CALN1: variants seen among roughly 807,000 people sequenced by gnomAD.
The protein encoded by CALN1 is calcium-binding protein 8.
Under a neutral mutation model 30.6 loss-of-function variants are expected in CALN1, and 17 were observed. The observed-to-expected ratio is 0.56, with a 90% CI of 0.38 to 0.83. The LOEUF is 0.83. Among genes scored for constraint, CALN1 ranks in the 40% least tolerant of loss-of-function variants. The pLI, the probability that CALN1 is intolerant of heterozygous loss-of-function variation, is 0.00. For missense variants in CALN1, 291 were observed against 354.9 expected (o/e 0.82, Z 1.45); for synonymous variants, 156 against 131.4 (o/e 1.19, Z -1.28).
At chr7:72,216,486 G>C (rs929740422) in intron 3 of CALN1, among the ~76,000 whole-genome samples, 3 of 151,980 alleles carry the variant, frequency 2.0e-5, no homozygotes, top group African/African-American at 4.8e-5. Context: ...TGGCATCTTT[G>C]GAGAAGCCAT....
the CALN1 span, among the ~76,000 whole-genome samples, chr7:72,476,916 A>G: frequency 6.6e-6 from 1 of 152,208 alleles, no homozygotes; most frequent in African/African-American, 2.4e-5. Context: ...AGTGCTATGA[A>G]GAAAAGGTGC....
chr7:72,411,734 G>A (rs901225620), intron 1 of CALN1, among the ~76,000 whole-genome samples: 3 of 152,078 alleles, frequency 2.0e-5, no homozygotes, highest in Non-Finnish European at 4.4e-5. Flanking sequence ...ACCAAATATG[G>A]TACAACTCAT....
At chr7:72,446,480 C>G (rs573743559) in intron 1 of CALN1, among the ~76,000 whole-genome samples, 27 of 148,322 alleles carry the variant, frequency 1.8e-4, no homozygotes, top group South Asian at 1.3e-3. Flanking sequence ...AAAGGAGCAG[C>G]GTTCAGAGAG....
chr7:72,227,069 T>C (rs581297), intron 3 of CALN1, among the ~76,000 whole-genome samples: 1,634 of 151,232 alleles, frequency 0.011, 28 homozygotes, highest in African/African-American at 0.038. Context: ...ATGGGAACAA[T>C]AGACATTGGG....
intron 3 of CALN1, among the ~76,000 whole-genome samples, chr7:72,174,861 T>G (rs996493385): frequency 1.3e-5 from 2 of 152,050 alleles, no homozygotes; most frequent in Non-Finnish European, 1.5e-5. Flanking sequence ...TAGTCAAAAT[T>G]CAACAAATTG....
rs985290537 is a variant in CALN1 at position 72,001,531 on chromosome 7, G to A, written c.501+22126C>T. Among the ~76,000 whole-genome samples, 3 of 152,224 alleles carry A rather than the reference G, an allele frequency of 2.0e-5. No individual in the cohort carries two copies. In the South Asian group the frequency reaches 6.2e-4, roughly 31 times the overall value. ...CCACCCCAAGGGGAGAATAAGGGGA[G>A]AAGGGACACAAGACCCTGGAAGTAT... On this transcript the variant is annotated intron_variant, in intron 5 of 6. Coordinates refer to ENST00000395275, the MANE Select transcript of CALN1 (RefSeq NM_031468.4).
intron 2 of CALN1, among the ~76,000 whole-genome samples, chr7:72,296,097 T>C (rs867260844): frequency 0.016 from 2,414 of 152,164 alleles, 35 homozygotes; most frequent in African/African-American, 0.032. Flanking sequence ...TGTCAAAGGC[T>C]TTTTCTGCAT....
chr7:72,158,742 A>G lies in CALN1; in HGVS notation c.245-52448T>C, dbSNP rs1299849001. On this transcript the variant is annotated intron_variant, in intron 3 of 6. Coordinates refer to ENST00000395275, the MANE Select transcript of CALN1 (RefSeq NM_031468.4). ...TGCTGAGGACTGAGGCATTAAGGGT[A>G]GTGGAGCGAGTAGTTTGAAAGTACC... is the stretch of plus-strand genomic sequence containing the variant. 1.6e-4 allele frequency among the ~76,000 whole-genome samples: 24 copies of G among 152,186 alleles called. 1 individual carries two copies. Among genetic ancestry groups the G allele is most frequent in the Non-Finnish European group, 2.9e-5 (2 of 68,030 alleles).
chr7:71,887,179 C>T (rs1303746246), intron 5 of CALN1, among the ~76,000 whole-genome samples: 11 of 152,192 alleles, frequency 7.2e-5, no homozygotes, highest in African/African-American at 2.2e-4. Context: ...GTTGGCAAGA[C>T]GGATACAGTT....
intron 3 of CALN1, among the ~76,000 whole-genome samples, chr7:72,150,398 G>T (rs1563100794): frequency 6.6e-6 from 1 of 152,208 alleles, no homozygotes; most frequent in South Asian, 2.1e-4. Flanking sequence ...GTTCTAGGGG[G>T]TTTACTCACA....
At chr7:72,354,996 A>G (rs976751595) in intron 2 of CALN1, among the ~76,000 whole-genome samples, 1 of 149,742 alleles carries the variant, frequency 6.7e-6, no homozygotes, top group Non-Finnish European at 1.5e-5. Flanking sequence ...TGCATCCTCC[A>G]CCTCCCGGGC....
the CALN1 span, among the ~76,000 whole-genome samples, chr7:72,487,734 A>AAAGGAAGGAAGGAAGG: frequency 4.3e-3 from 245 of 56,614 alleles, 17 homozygotes; most frequent in African/African-American, 0.019. Context: ...AGAAAGAAAG[A>AAAGGAAGGAAGGAAGG]AAGGAAGGAA....
At chr7:72,333,004 T>C (rs1042606042) in intron 2 of CALN1, among the ~76,000 whole-genome samples, 2 of 152,146 alleles carry the variant, frequency 1.3e-5, no homozygotes, top group African/African-American at 4.8e-5. Context: ...GCCCCCACCA[T>C]CTATCATTCT....
chr7:72,095,906 G>C (rs962985697), intron 4 of CALN1, among the ~76,000 whole-genome samples: 1 of 152,078 alleles, frequency 6.6e-6, no homozygotes. Flanking sequence ...GCATGGTGAC[G>C]ACGCATGCCT....
At chr7:72,121,588 T>C (rs1207851949) in intron 3 of CALN1, among the ~76,000 whole-genome samples, 1 of 148,758 alleles carries the variant, frequency 6.7e-6, no homozygotes, top group East Asian at 1.9e-4. Context: ...AAATACAATA[T>C]GATTTGCGTG....
rs544819580 is a variant in CALN1 at position 72,033,025 on chromosome 7, G to C, written c.389-9256C>G. Among the ~76,000 whole-genome samples the C allele has an allele frequency of 1.2e-4, 18 of 152,350 alleles. No homozygotes were observed. In the South Asian group the frequency reaches 3.7e-3, roughly 32 times the overall value. On this transcript the variant is annotated intron_variant, in intron 4 of 6. Coordinates refer to ENST00000395275, the MANE Select transcript of CALN1 (RefSeq NM_031468.4). ...TCTTTTATCACTCTTGAATGAGCAA[G>C]TAGCTGCAGGAAGAAAGAATGTAAT...
At chr7:72,366,226 T>A (rs1158431941) in intron 2 of CALN1, among the ~76,000 whole-genome samples, 1 of 152,016 alleles carries the variant, frequency 6.6e-6, no homozygotes, top group Non-Finnish European at 1.5e-5. Flanking sequence ...CAGGCTGGAG[T>A]GCAGTGGCGC....
intron 1 of CALN1, among the ~76,000 whole-genome samples, chr7:72,409,636 G>A (rs1297667873): frequency 6.6e-6 from 1 of 151,960 alleles, no homozygotes; most frequent in Non-Finnish European, 1.5e-5. Flanking sequence ...CAATCACTGG[G>A]AGCAAGATTG....
intron 2 of CALN1, among the ~76,000 whole-genome samples, chr7:72,385,327 T>C (rs1291727043): frequency 2.0e-5 from 3 of 152,182 alleles, no homozygotes; most frequent in African/African-American, 7.2e-5. Context: ...AAACACTATG[T>C]CCACACAAAA....
Sources: allele counts gnomAD v4.1 joint callset (sites outside exome capture counted in the v4.1 genomes callset), GRCh38; gene constraint gnomAD v4.1.1; transcripts MANE v1.5; gene names NCBI Gene and HGNC (gene_info 2026-07-23, HGNC 2026-07-21).